The following ST8SIA1 variants were observed in gnomAD, a reference collection of about 807,000 sequenced individuals.
ST8SIA1 encodes the protein alpha-N-acetylneuraminide alpha-2,8-sialyltransferase.
In ST8SIA1, 16 loss-of-function variants were observed where a neutral mutation model predicts 35.9. That is an observed-to-expected ratio of 0.45 (90% CI 0.30 to 0.68). ST8SIA1 has a LOEUF of 0.68. Ranked by LOEUF, ST8SIA1 falls within the 30% of genes least tolerant of loss-of-function variation. The pLI is 0.09. For missense variants in ST8SIA1, 383 were observed against 453.6 expected, an observed-to-expected ratio of 0.84 and a Z score of 1.41; for synonymous variants, 170 against 169.6, an observed-to-expected ratio of 1.00 and a Z score of -0.02.
At chr12:22,231,060 G>A (rs980077925) in intron 4 of ST8SIA1, among the ~76,000 whole-genome samples, 5 of 151,062 alleles carry the variant, frequency 3.3e-5, no homozygotes, top group African/African-American at 1.2e-4. Context: ...GTTGAGTTGT[G>A]AAAATAAGTG....
chr12:22,237,548 TC>T (rs1369303670), intron 4 of ST8SIA1, among the ~76,000 whole-genome samples: 1 of 151,346 alleles, frequency 6.6e-6, no homozygotes, highest in African/African-American at 2.4e-5. Flanking sequence ...TTTATTTTTT[TC>T]ACTTAATATT....
chr12:22,304,349 T>C (rs1866358003), intron 1 of ST8SIA1, among the ~76,000 whole-genome samples: 2 of 149,980 alleles, frequency 1.3e-5, no homozygotes, highest in Non-Finnish European at 3.0e-5. Flanking sequence ...TTTTTTTTTT[T>C]TTTTTTGAGC....
At chr12:22,228,649 T>C (rs1865383330) in intron 4 of ST8SIA1, among the ~76,000 whole-genome samples, 1 of 152,186 alleles carries the variant, frequency 6.6e-6, no homozygotes, top group African/African-American at 2.4e-5. Flanking sequence ...GCAGAGGACA[T>C]TGCATGTGTG....
chr12:22,281,623 A>G (rs1866035464), intron 2 of ST8SIA1, among the ~76,000 whole-genome samples: 1 of 152,166 alleles, frequency 6.6e-6, no homozygotes, highest in African/African-American at 2.4e-5. Flanking sequence ...ATGGGAAACT[A>G]TGGTGTTGTA....
chr12:22,334,000 A>T lies in ST8SIA1; in HGVS notation c.233T>A (p.Phe78Tyr). ...WRRNQTAARA[F>Y]RKQMEDCCDP... Reference sequence around the variant, plus strand: ...GGAGCCGCGAGGGCAGGAGTACCTGAACGCTCTGGCCGCGGTCTGGTTCCT... The same window carrying T: ...GGAGCCGCGAGGGCAGGAGTACCTGTACGCTCTGGCCGCGGTCTGGTTCCT... Residue 78 changes from phenylalanine (F) to tyrosine (Y), a missense_variant, in exon 1 of 5, where the codon TTC (phenylalanine) becomes TAC (tyrosine). Transcript: ENST00000396037. The T allele has an allele frequency of 8.1e-6, 13 of 1,613,650 alleles. No individual in the cohort carries two copies. The highest frequency in any genetic ancestry group is 1.0e-5 in the Non-Finnish European group (12 of 1,179,890).
At chr12:22,291,063 C>T (rs181750917) in intron 1 of ST8SIA1, among the ~76,000 whole-genome samples, 17 of 152,244 alleles carry the variant, frequency 1.1e-4, no homozygotes, top group African/African-American at 2.6e-4. Context: ...AAGGTAAATA[C>T]TTACGAAGCC....
At chr12:22,264,397 C>T (rs7297807) in intron 2 of ST8SIA1, among the ~76,000 whole-genome samples, 7,657 of 152,212 alleles carry the variant, frequency 0.05, 310 homozygotes, top group South Asian at 0.17. Context: ...CAAATTCCCA[C>T]AAGCGAATTC....
rs1464966163 is a variant in ST8SIA1, at chr12:22,198,959, G to A, written c.*2593C>T. On this transcript the variant is annotated 3_prime_UTR_variant, in exon 5 of 5. Coordinates refer to ENST00000396037, the MANE Select transcript of ST8SIA1 (RefSeq NM_003034.4). Reference sequence around the variant, plus strand: ...CCAAATGTCACCAGAGAGGGATAATGAATCACCCCAGCTGAGAAGAGCTGG... The same window carrying A: ...CCAAATGTCACCAGAGAGGGATAATAAATCACCCCAGCTGAGAAGAGCTGG... 1 of 152,112 alleles carries A rather than the reference G, an allele frequency of 6.6e-6. No individual in the cohort carries two copies. The highest frequency in any genetic ancestry group is 1.5e-5 in the Non-Finnish European group (1 of 68,012). The allele number at this position is 152,112 out of a possible 1,614,324, so 9.4% of individuals were successfully genotyped here. A position where few individuals can be genotyped will look rare whatever the true frequency, so the allele number is the denominator to read the frequency against.
chr12:22,221,881 G>A (rs546097668), intron 4 of ST8SIA1, among the ~76,000 whole-genome samples: 45 of 152,034 alleles, frequency 3.0e-4, no homozygotes, highest in African/African-American at 9.9e-4. Flanking sequence ...TTTGAATAAC[G>A]AATTGCATAT....
intron 4 of ST8SIA1, among the ~76,000 whole-genome samples, chr12:22,221,885 T>A (rs1190191479): frequency 6.6e-6 from 1 of 152,172 alleles, no homozygotes; most frequent in African/African-American, 2.4e-5. Context: ...AATAACGAAT[T>A]GCATATGTTA....
intron 1 of ST8SIA1, among the ~76,000 whole-genome samples, chr12:22,328,804 TTATC>T (rs950497289): frequency 6.6e-6 from 1 of 152,192 alleles, no homozygotes; most frequent in African/African-American, 2.4e-5. Flanking sequence ...TTTAAACACA[TTATC>T]TAATCTAATT....
At chr12:22,287,657 T>C (rs750878123) in intron 1 of ST8SIA1, among the ~76,000 whole-genome samples, 1 of 152,194 alleles carries the variant, frequency 6.6e-6, no homozygotes, top group Non-Finnish European at 1.5e-5. Context: ...TTGGAGACTG[T>C]TGAGCTATTC....
chr12:22,230,854 G>T, intron 4 of ST8SIA1, among the ~76,000 whole-genome samples: 1 of 152,140 alleles, frequency 6.6e-6, no homozygotes, highest in South Asian at 2.1e-4. Context: ...AATTGGGGAG[G>T]GGGTAATGGA....
At chr12:22,270,663 G>C (rs1000331373) in intron 2 of ST8SIA1, among the ~76,000 whole-genome samples, 3 of 152,140 alleles carry the variant, frequency 2.0e-5, no homozygotes, top group African/African-American at 7.2e-5. Context: ...AAGGTAAAGG[G>C]GTGAAAGGGG....
chr12:22,327,017 C>T (rs183112044), intron 1 of ST8SIA1, among the ~76,000 whole-genome samples: 2 of 152,278 alleles, frequency 1.3e-5, no homozygotes, highest in East Asian at 3.9e-4. Flanking sequence ...ACACTTTGCT[C>T]TCAAAGAAGA....
intron 1 of ST8SIA1, among the ~76,000 whole-genome samples, chr12:22,308,972 T>C (rs1866417135): frequency 1.3e-5 from 2 of 152,292 alleles, no homozygotes; most frequent in East Asian, 1.9e-4. Context: ...TAATGAAGGA[T>C]TGAGTCACAG....
At chr12:22,264,687 C>G (rs1036839645) in intron 2 of ST8SIA1, among the ~76,000 whole-genome samples, 1 of 152,040 alleles carries the variant, frequency 6.6e-6, no homozygotes, top group African/African-American at 2.4e-5. Context: ...AAAAACGTTA[C>G]ACATAATTTT....
intron 2 of ST8SIA1, among the ~76,000 whole-genome samples, chr12:22,274,572 T>C (rs1865947217): frequency 6.6e-6 from 1 of 152,160 alleles, no homozygotes; most frequent in Admixed American, 6.5e-5. Context: ...ACAAAATAAC[T>C]ACATGCCCAG....
intron 1 of ST8SIA1, chr12:22,325,551 C>A: frequency 1.4e-6 from 1 of 694,630 alleles, no homozygotes; most frequent in South Asian, 1.5e-5. Flanking sequence ...GCCTTGGAAC[C>A]CCATGTTACT....
Sources: gnomAD v4.1 joint callset for allele counts (sites outside exome capture counted in the v4.1 genomes callset) on GRCh38, gnomAD v4.1.1 for gene constraint, MANE v1.5 for transcripts, NCBI Gene and HGNC (gene_info 2026-07-23, HGNC 2026-07-21) for gene names.